Variants in GLIS3 observed in about 807,000 individuals in gnomAD.
The protein encoded by GLIS3 is zinc finger protein GLIS3.
Under a neutral mutation model 78.6 loss-of-function variants are expected in GLIS3, and 53 were observed. The ratio of observed to expected loss-of-function variants is 0.67; its 90% CI spans 0.54 to 0.85. The LOEUF (loss-of-function observed/expected upper bound fraction) is 0.85. Among genes scored for constraint, GLIS3 ranks in the 40% least tolerant of loss-of-function variants. The pLI is 0.00. For synonymous variants in GLIS3, 684 were observed against 509.9 expected, an observed-to-expected ratio of 1.34 and a Z score of -4.60; for missense variants, 1,703 against 1,231.1, an observed-to-expected ratio of 1.38 and a Z score of -5.74.
intron 2 of GLIS3, among the ~76,000 whole-genome samples, chr9:4,207,739 G>T (rs1439189863): frequency 2.0e-5 from 3 of 152,176 alleles, no homozygotes; most frequent in Admixed American, 2.0e-4. Context: ...CAGCTCATGA[G>T]TAGCAGATGG....
At chr9:3,984,369 C>T (rs944682781) in intron 4 of GLIS3, among the ~76,000 whole-genome samples, 2 of 152,344 alleles carry the variant, frequency 1.3e-5, no homozygotes, top group Non-Finnish European at 2.9e-5. Context: ...TCAGCATGAC[C>T]TGGATGTGAG....
At chr9:4,249,978 C>T (rs1007124417) in intron 2 of GLIS3, among the ~76,000 whole-genome samples, 5 of 152,228 alleles carry the variant, frequency 3.3e-5, no homozygotes, top group South Asian at 4.2e-4. Flanking sequence ...CCAACTTGAC[C>T]GTGGTGGATA....
intron 2 of GLIS3, among the ~76,000 whole-genome samples, chr9:4,275,708 A>T (rs1826920626): frequency 6.6e-6 from 1 of 152,000 alleles, no homozygotes; most frequent in African/African-American, 2.4e-5. Context: ...GGCTGCAGTG[A>T]GCTATGATCG....
chr9:4,331,957 A>T (rs552989208), intron 2 of GLIS3, among the ~76,000 whole-genome samples: 74 of 152,338 alleles, frequency 4.9e-4, no homozygotes, highest in African/African-American at 1.7e-3. Flanking sequence ...TACCAGGGAG[A>T]CTAAAGCATG....
chr9:4,064,850 C>G (rs147994675), intron 4 of GLIS3, among the ~76,000 whole-genome samples: 1 of 152,124 alleles, frequency 6.6e-6, no homozygotes, highest in African/African-American at 2.4e-5. Flanking sequence ...TCGGAAGGAA[C>G]AAAATAGCAA....
chr9:4,076,841 G>A (rs1485893224), intron 4 of GLIS3, among the ~76,000 whole-genome samples: 1 of 152,158 alleles, frequency 6.6e-6, no homozygotes, highest in African/African-American at 2.4e-5. Context: ...GGAATGGCTT[G>A]AACCCAGGAG....
At chr9:3,829,007 A>G (rs949610579) in intron 10 of GLIS3, among the ~76,000 whole-genome samples, 17 of 152,126 alleles carry the variant, frequency 1.1e-4, no homozygotes, top group Non-Finnish European at 5.9e-5. Context: ...TGGGGAGGCA[A>G]TGTTCATGGT....
At chr9:4,272,479 C>T (rs151320952) in intron 2 of GLIS3, among the ~76,000 whole-genome samples, 363 of 152,244 alleles carry the variant, frequency 2.4e-3, no homozygotes, top group African/African-American at 8.5e-3. Context: ...CCACCTCCTG[C>T]CGGGTGTGCT....
chr9:4,200,512 G>T (rs140778690), intron 2 of GLIS3, among the ~76,000 whole-genome samples: 134 of 152,252 alleles, frequency 8.8e-4, no homozygotes, highest in African/African-American at 3.1e-3. Flanking sequence ...AGGATCTTCA[G>T]AGACTATTAT....
chr9:4,183,507 G>A (rs1817511768), intron 2 of GLIS3, among the ~76,000 whole-genome samples: 1 of 152,156 alleles, frequency 6.6e-6, no homozygotes, highest in Non-Finnish European at 1.5e-5. Flanking sequence ...GAAGGAAGCA[G>A]CGATCCTGAA....
At position 4,125,827 on chromosome 9, in the gene GLIS3, G is replaced by C; in HGVS notation, c.503C>G (p.Ala168Gly). Reference protein sequence around the residue: ...VQRLGLISPPASQVSTACNQI... With the variant: ...VQRLGLISPPGSQVSTACNQI... ...GTTGCATGCTGTAGAGACCTGGCTT[G>C]CTGGAGGTGAAATGAGTCCCAGTCG... Residue 168 changes from alanine to glycine, a missense_variant, in exon 3 of 11, where the codon GCA becomes GGA. Transcript: ENST00000381971. 6.2e-7 allele frequency: 1 copy of C among 1,614,088 alleles called. No individual in the cohort carries two copies. The highest frequency in any genetic ancestry group is 8.5e-7 in the Non-Finnish European group (1 of 1,179,974).
chr9:3,924,817 A>G (rs542389497), intron 6 of GLIS3, among the ~76,000 whole-genome samples: 5 of 152,348 alleles, frequency 3.3e-5, no homozygotes, highest in Non-Finnish European at 7.4e-5. Context: ...AGAGAGCCTG[A>G]GCTAAACACT....
At chr9:4,102,367 A>G (rs1291160390) in intron 4 of GLIS3, among the ~76,000 whole-genome samples, 1 of 152,178 alleles carries the variant, frequency 6.6e-6, no homozygotes, top group Non-Finnish European at 1.5e-5. Flanking sequence ...TCTGTGTTTC[A>G]GGCACTGACT....
intron 2 of GLIS3, among the ~76,000 whole-genome samples, chr9:4,251,501 G>T (rs1337767239): frequency 6.8e-6 from 1 of 147,120 alleles, no homozygotes; most frequent in Non-Finnish European, 1.5e-5. Flanking sequence ...GCCTATGTGT[G>T]TCTTTGCATG....
At chr9:4,298,088 C>A (rs1429523371) in intron 1 of GLIS3, among the ~76,000 whole-genome samples, 2 of 152,140 alleles carry the variant, frequency 1.3e-5, no homozygotes, top group Admixed American at 1.3e-4. Flanking sequence ...CAAACTAGTG[C>A]CGGCTTCCTG....
At chr9:3,938,540 A>T (rs1157189167) in intron 4 of GLIS3, among the ~76,000 whole-genome samples, 2 of 152,218 alleles carry the variant, frequency 1.3e-5, no homozygotes, top group African/African-American at 4.8e-5. Flanking sequence ...GTAAAAAAAA[A>T]TAATTAAACA....
intron 4 of GLIS3, among the ~76,000 whole-genome samples, chr9:4,035,653 C>G (rs1824235009): frequency 1.3e-5 from 2 of 152,024 alleles, no homozygotes. Context: ...CCACCTGGTG[C>G]CAGAATAAGC....
chr9:3,953,789 C>CTATA (rs1554656493), intron 4 of GLIS3, among the ~76,000 whole-genome samples: 45 of 45,472 alleles, frequency 9.9e-4, no homozygotes, highest in Non-Finnish European at 1.6e-3. Flanking sequence ...CTCTCTCTCT[C>CTATA]TCTCTCTATA....
intron 2 of GLIS3, among the ~76,000 whole-genome samples, chr9:4,185,644 G>C (rs545594666): frequency 6.6e-6 from 1 of 152,288 alleles, no homozygotes; most frequent in African/African-American, 2.4e-5. Context: ...AAATATAAAG[G>C]TAATGGCCAG....
Sources: gnomAD v4.1 joint callset for allele counts (sites outside exome capture counted in the v4.1 genomes callset) on GRCh38, gnomAD v4.1.1 for gene constraint, MANE v1.5 for transcripts, NCBI Gene and HGNC (gene_info 2026-07-23, HGNC 2026-07-21) for gene names.